The following BCAS3 variants were observed in gnomAD, a reference collection of about 807,000 sequenced individuals.
The protein encoded by BCAS3 is BCAS4/BCAS3 fusion.
In BCAS3, 53 loss-of-function variants were observed where a neutral mutation model predicts 116.1. The observed-to-expected ratio is 0.46, with a 90% confidence interval of 0.37 to 0.57. The LOEUF (loss-of-function observed/expected upper bound fraction) is 0.57. BCAS3 is among the 20% of genes least tolerant of loss of function. The pLI is 0.00. For synonymous variants in BCAS3, 391 were observed against 408.2 expected (o/e 0.96, Z 0.51); for missense variants, 917 against 1,165.4 (o/e 0.79, Z 3.10).
chr17:60,948,034 G>A (rs1000573620), intron 14 of BCAS3, among the ~76,000 whole-genome samples: 7 of 151,946 alleles, frequency 4.6e-5, no homozygotes, highest in East Asian at 1.9e-4. Context: ...TTTACTGAGC[G>A]CTTGTATCAG....
intron 22 of BCAS3, among the ~76,000 whole-genome samples, chr17:61,295,577 C>T (rs1170267486): frequency 6.6e-6 from 1 of 152,072 alleles, no homozygotes; most frequent in Non-Finnish European, 1.5e-5. Context: ...AGGTATTTAC[C>T]TGGTTATAGT....
At chr17:60,919,526 T>C (rs1226045492) in intron 12 of BCAS3, among the ~76,000 whole-genome samples, 2 of 152,182 alleles carry the variant, frequency 1.3e-5, no homozygotes, top group East Asian at 3.9e-4. Flanking sequence ...GGTTTCACCA[T>C]GTTGGCCAGG....
intron 12 of BCAS3, among the ~76,000 whole-genome samples, chr17:60,919,032 T>C (rs2058932883): frequency 6.6e-6 from 1 of 152,178 alleles, no homozygotes; most frequent in Non-Finnish European, 1.5e-5. Flanking sequence ...TTATTCAGTT[T>C]ATGGATTTCT....
intron 7 of BCAS3, among the ~76,000 whole-genome samples, chr17:60,842,030 T>G (rs983086192): frequency 2.6e-5 from 4 of 152,174 alleles, no homozygotes; most frequent in African/African-American, 7.2e-5. Context: ...TTATGAAAAT[T>G]TACCAAGGTG....
At chr17:60,951,649 G>A (rs1373315963) in intron 14 of BCAS3, among the ~76,000 whole-genome samples, 3 of 151,146 alleles carry the variant, frequency 2.0e-5, no homozygotes, top group African/African-American at 7.3e-5. Context: ...ACTAATTTGA[G>A]TTCTGACATT....
chr17:61,042,108 T>A (rs1290105887), intron 19 of BCAS3, among the ~76,000 whole-genome samples: 2 of 152,038 alleles, frequency 1.3e-5, no homozygotes, highest in East Asian at 3.8e-4. Context: ...GCAGTGCATA[T>A]AGAAGTTGTT....
chr17:61,386,965 G>A (rs756311304), intron 23 of BCAS3, among the ~76,000 whole-genome samples: 22 of 152,118 alleles, frequency 1.4e-4, no homozygotes, highest in Middle Eastern at 3.4e-3. Context: ...TTTTGGACAC[G>A]GTTTTGCTGT....
In BCAS3 at chr17:61,215,904, C is replaced by G. The variant is rs1180038552; in HGVS notation, c.2425+131340C>G. Among the ~76,000 whole-genome samples the G allele has an allele frequency of 6.6e-6, 1 of 152,160 alleles. No individual in the cohort carries two copies. Among genetic ancestry groups the G allele is most frequent in the African/African-American group, 2.4e-5 (1 of 41,438 alleles). On this transcript the variant is annotated intron_variant, in intron 22 of 23. Transcript: ENST00000407086. The surrounding 1 kb of genome is among the most constrained non-coding windows in gnomAD (Gnocchi z 4.8). Reference sequence around the variant, plus strand: ...TACAGCCAGATTTGAAAACCTTTGTCTTAGTCAGATCTCTGTGCTTTTCAG... The same window carrying G: ...TACAGCCAGATTTGAAAACCTTTGTGTTAGTCAGATCTCTGTGCTTTTCAG...
At chr17:61,207,093 G>A (rs113662089) in intron 22 of BCAS3, among the ~76,000 whole-genome samples, 4 of 151,988 alleles carry the variant, frequency 2.6e-5, no homozygotes, top group South Asian at 2.1e-4. Context: ...GCACCTTTTC[G>A]AAGTTTTCTT....
At chr17:61,070,874 A>AG (rs1454149022) in intron 19 of BCAS3, among the ~76,000 whole-genome samples, 1 of 152,214 alleles carries the variant, frequency 6.6e-6, no homozygotes, top group Non-Finnish European at 1.5e-5. Context: ...TGACGCTGGC[A>AG]GGTCATATCT....
intron 4 of BCAS3, among the ~76,000 whole-genome samples, chr17:60,704,140 G>T (rs1358295684): frequency 6.6e-6 from 1 of 152,120 alleles, no homozygotes; most frequent in Non-Finnish European, 1.5e-5. Context: ...CCGACCAAGA[G>T]GCAGCAGGGG....
chr17:61,202,184 T>C (rs8070097), intron 22 of BCAS3, among the ~76,000 whole-genome samples: 125,704 of 140,936 alleles, frequency 0.89, 56,637 homozygotes, highest in Non-Finnish European at 0.96. Flanking sequence ...GTCTCCCAGG[T>C]TGGAGTGCAG....
chr17:60,823,692 G>C (rs773578635), intron 7 of BCAS3, among the ~76,000 whole-genome samples: 1 of 152,106 alleles, frequency 6.6e-6, no homozygotes, highest in South Asian at 2.1e-4. Flanking sequence ...AGGAAGTTTC[G>C]TCATCTCCAA....
rs890497614 is a variant in BCAS3 at position 61,332,554 on chromosome 17, T to G, written c.2426-35773T>G. On this transcript the variant is annotated intron_variant, in intron 22 of 23. Transcript: ENST00000407086. This position sits in a 1 kb window ranked among gnomAD's most constrained non-coding sequence, Gnocchi z 5.4. ...TTTTACAGAGTTCTTTCCAACTGAT[T>G]GCCTCTGCTAATCTCTATACTACCC... Among the ~76,000 whole-genome samples the G allele has an allele frequency of 1.3e-5, 2 of 152,240 alleles. No homozygotes were observed. Among genetic ancestry groups the G allele is most frequent in the African/African-American group, 4.8e-5 (2 of 41,466 alleles).
chr17:60,787,256 T>C (rs559060680), intron 6 of BCAS3, among the ~76,000 whole-genome samples: 17 of 152,302 alleles, frequency 1.1e-4, no homozygotes, highest in African/African-American at 3.6e-4. Context: ...AAAGATAGCA[T>C]TTCTGTCACC....
chr17:61,388,754 G>C lies in BCAS3; in HGVS notation c.2594-3223G>C, dbSNP rs367794031. The C allele has an allele frequency of 1.3e-5, 20 of 1,511,884 alleles. No individual in the cohort carries two copies. The highest frequency in any genetic ancestry group is 1.7e-5 in the Non-Finnish European group (19 of 1,128,134). The allele number at this position is 1,511,884 out of a possible 1,614,324, so 93.7% of individuals were successfully genotyped here. ...TTGCCGCTTGCTCGTAGGGCTGGGC[G>C]GCCGGGATGACTTGGAGGGGGGAAT... On this transcript the variant is annotated intron_variant, in intron 23 of 23. Coordinates refer to ENST00000407086, the MANE Select transcript of BCAS3 (RefSeq NM_017679.5). The surrounding 1 kb of genome is among the most constrained non-coding windows in gnomAD (Gnocchi z 6.5).
At chr17:60,835,890 T>C (rs770303467) in intron 7 of BCAS3, among the ~76,000 whole-genome samples, 4 of 152,158 alleles carry the variant, frequency 2.6e-5, no homozygotes, top group African/African-American at 7.2e-5. Flanking sequence ...CATTTTAGGA[T>C]GTTTGTTTCA....
intron 23 of BCAS3, among the ~76,000 whole-genome samples, chr17:61,370,209 A>G (rs1035240744): frequency 1.3e-5 from 2 of 152,138 alleles, no homozygotes; most frequent in African/African-American, 4.8e-5. Context: ...AAAAAAGAGA[A>G]AGAAAAAAAG....
At chr17:61,319,778 A>T (rs2055041819) in intron 22 of BCAS3, among the ~76,000 whole-genome samples, 1 of 152,098 alleles carries the variant, frequency 6.6e-6, no homozygotes. Context: ...TTAGAATAAG[A>T]AGTAGTATGT....
Sources: allele counts gnomAD v4.1 joint callset (sites outside exome capture counted in the v4.1 genomes callset), GRCh38; gene constraint gnomAD v4.1.1; non-coding constraint Gnocchi (gnomAD v3.1); transcripts MANE v1.5; gene names NCBI Gene and HGNC (gene_info 2026-07-23, HGNC 2026-07-21).